EPHA5: variants seen among roughly 807,000 people sequenced by gnomAD.
EPHA5 encodes the protein EPH receptor A5.
EPHA5 carries 60 observed loss-of-function variants against 105.0 expected under a neutral mutation model. The observed-to-expected ratio is 0.57, with a 90% CI of 0.46 to 0.71. EPHA5 has a LOEUF of 0.71. Among genes scored for constraint, EPHA5 ranks in the 30% least tolerant of loss-of-function variants. The pLI is 0.00. For missense variants in EPHA5, 1,218 were observed against 1,274.7 expected (o/e 0.96, Z 0.68); for synonymous variants, 513 against 449.1 (o/e 1.14, Z -1.80).
chr4:65,545,847 A>C (rs865872043), intron 3 of EPHA5, among the ~76,000 whole-genome samples: 2 of 151,934 alleles, frequency 1.3e-5, no homozygotes, highest in African/African-American at 4.8e-5. Context: ...ATCAATCAGC[A>C]GTCCAATGAT....
At chr4:65,532,379 G>A (rs183577111) in intron 3 of EPHA5, among the ~76,000 whole-genome samples, 105 of 151,836 alleles carry the variant, frequency 6.9e-4, no homozygotes, top group African/African-American at 2.5e-3. Context: ...TGATATTTTA[G>A]TAATATTATA....
At chr4:65,650,913 A>C (rs1748553405) in intron 1 of EPHA5, among the ~76,000 whole-genome samples, 1 of 152,144 alleles carries the variant, frequency 6.6e-6, no homozygotes, top group Non-Finnish European at 1.5e-5. Context: ...TTTTGACACA[A>C]GTCCTTCCAG....
At chr4:65,537,208 T>C (rs1213168905) in intron 3 of EPHA5, among the ~76,000 whole-genome samples, 1 of 151,860 alleles carries the variant, frequency 6.6e-6, no homozygotes, top group East Asian at 1.9e-4. Context: ...AATAGATTCT[T>C]TGTAACTCAA....
At chr4:65,417,132 C>T (rs1211649950) in intron 6 of EPHA5, among the ~76,000 whole-genome samples, 1 of 152,206 alleles carries the variant, frequency 6.6e-6, no homozygotes, top group Non-Finnish European at 1.5e-5. Context: ...TTGCCTCTGC[C>T]TTTAATTAAG....
intron 3 of EPHA5, among the ~76,000 whole-genome samples, chr4:65,572,216 C>T (rs1050335353): frequency 9.9e-5 from 15 of 152,030 alleles, no homozygotes; most frequent in African/African-American, 3.6e-4. Flanking sequence ...TAATTATTAT[C>T]TCCTATAGAA....
rs71657188 is a variant in EPHA5 at position 65,573,410 on chromosome 4, CAAAAAAAAA to C, written c.910+28222_910+28230del. The C allele has an allele frequency of 5.2e-5, 34 of 649,900 alleles. No homozygotes were observed. The South Asian group carries it at 7.0e-4, about 13-fold the overall frequency. 40.3% of individuals were successfully genotyped at this position (649,900 alleles called of 1,614,324 possible). On this transcript the variant is annotated intron_variant, in intron 3 of 16. Transcript: ENST00000613740. Reference sequence around the variant, plus strand: ...TGGGTGACCGAGCCAGACTCCGTCTCAAAAAAAAAAAAAAAAAAAAAAAAAGAAGCTCTT... The same window carrying C: ...TGGGTGACCGAGCCAGACTCCGTCTCAAAAAAAAAAAAAAAAGAAGCTCTT...
At chr4:65,358,495 T>C (rs1366379172) in intron 11 of EPHA5, among the ~76,000 whole-genome samples, 4 of 151,568 alleles carry the variant, frequency 2.6e-5, no homozygotes, top group Non-Finnish European at 5.9e-5. Context: ...CTTTTATTCT[T>C]ACCCCAAAAG....
chr4:65,338,041 CTT>C (rs754638078), intron 14 of EPHA5, among the ~76,000 whole-genome samples: 7 of 151,838 alleles, frequency 4.6e-5, no homozygotes, highest in African/African-American at 7.2e-5. Flanking sequence ...ATTAACATAA[CTT>C]ATTAAAATTT....
chr4:65,654,313 C>G (rs1333570480), intron 1 of EPHA5, among the ~76,000 whole-genome samples: 3 of 150,762 alleles, frequency 2.0e-5, no homozygotes, highest in Admixed American at 2.0e-4. Flanking sequence ...CAATATAGTT[C>G]TACAGATAAT....
intron 5 of EPHA5, among the ~76,000 whole-genome samples, chr4:65,428,955 G>T (rs968941284): frequency 6.6e-6 from 1 of 151,958 alleles, no homozygotes; most frequent in Admixed American, 6.6e-5. Context: ...ATGTAACAAG[G>T]TGTATAATGG....
At chr4:65,407,181 T>A (rs1162665290) in intron 7 of EPHA5, among the ~76,000 whole-genome samples, 3 of 152,080 alleles carry the variant, frequency 2.0e-5, no homozygotes, top group Admixed American at 1.3e-4. Context: ...TGGAAGAAAA[T>A]TCTCAAATGC....
intron 3 of EPHA5, among the ~76,000 whole-genome samples, chr4:65,586,580 C>G (rs940030721): frequency 2.6e-5 from 4 of 151,726 alleles, no homozygotes; most frequent in African/African-American, 9.7e-5. Flanking sequence ...AGTAATTAAG[C>G]TTTATCTACT....
intron 3 of EPHA5, among the ~76,000 whole-genome samples, chr4:65,580,864 A>G (rs1176121553): frequency 6.6e-6 from 1 of 151,744 alleles, no homozygotes; most frequent in African/African-American, 2.4e-5. Flanking sequence ...AATGTGTTAA[A>G]GACATATTTA....
intron 8 of EPHA5, 125 bp from the exon 9 acceptor site, chr4:65,367,549 G>C: frequency 1.3e-6 from 1 of 798,790 alleles, no homozygotes; most frequent in Non-Finnish European, 2.1e-6. Context: ...TAGTAGTTTG[G>C]AATGATGCCA....
At chr4:65,616,442 C>T (rs1307346629) in intron 2 of EPHA5, among the ~76,000 whole-genome samples, 1 of 150,032 alleles carries the variant, frequency 6.7e-6, no homozygotes, top group East Asian at 1.9e-4. Flanking sequence ...CACACACACA[C>T]ACACACACAC....
At chr4:65,375,627 G>C (rs539987227) in intron 8 of EPHA5, among the ~76,000 whole-genome samples, 30 of 151,934 alleles carry the variant, frequency 2.0e-4, no homozygotes, top group African/African-American at 6.3e-4. Flanking sequence ...TGTAGTTCAA[G>C]GTAAGGCATC....
chr4:65,575,994 GAGAGAGAGAAAGAAAGAA>G (rs1311085225), intron 3 of EPHA5, among the ~76,000 whole-genome samples: 21 of 94,342 alleles, frequency 2.2e-4, no homozygotes, highest in Non-Finnish European at 3.5e-4. Context: ...GAGAGAGAGA[GAGAGAGAGAAAGAAAGAA>G]AGAAAGAAAG....
chr4:65,468,576 A>G (rs907521991), intron 5 of EPHA5, among the ~76,000 whole-genome samples: 1,528 of 92,264 alleles, frequency 0.017, 23 homozygotes, highest in Non-Finnish European at 0.024. Flanking sequence ...TTATATATAT[A>G]TATGTAAAAT....
intron 3 of EPHA5, among the ~76,000 whole-genome samples, chr4:65,499,536 A>C (rs911738370): frequency 4.0e-5 from 6 of 151,614 alleles, no homozygotes; most frequent in Admixed American, 1.3e-4. Context: ...CCTCTCAATG[A>C]AAACTATTTT....
Sources: allele counts gnomAD v4.1 joint callset (sites outside exome capture counted in the v4.1 genomes callset), GRCh38; gene constraint gnomAD v4.1.1; transcripts MANE v1.5; gene names NCBI Gene and HGNC (gene_info 2026-07-23, HGNC 2026-07-21).